ACCSL: variants seen among roughly 807,000 people sequenced by gnomAD.
ACCSL encodes 1-aminocyclopropane-1-carboxylate synthase homolog (inactive) like, also known as probable inactive 1-aminocyclopropane-1-carboxylate synthase-like protein 2.
In ACCSL, 55 loss-of-function variants were observed where a neutral mutation model predicts 61.7. That is an observed-to-expected ratio of 0.89 (90% CI 0.72 to 1.12). ACCSL has a LOEUF of 1.12. Ranked by LOEUF, ACCSL falls within the 50% of genes most tolerant of loss-of-function variation. ACCSL has a pLI of 0.00. For missense variants in ACCSL, 632 were observed against 698.0 expected, an observed-to-expected ratio of 0.91 and a Z score of 1.07; for synonymous variants, 258 against 264.3, an observed-to-expected ratio of 0.98 and a Z score of 0.23.
At chr11:44,018,646 T>C in the ACCSL span, among the ~76,000 whole-genome samples, 3 of 152,338 alleles carry the variant, frequency 2.0e-5, no homozygotes, top group African/African-American at 7.2e-5. Context: ...TAATTACTCA[T>C]TTTTAAAATA....
the ACCSL span, among the ~76,000 whole-genome samples, chr11:43,994,637 A>G: frequency 1.3e-5 from 2 of 151,584 alleles, no homozygotes; most frequent in African/African-American, 2.4e-5. Flanking sequence ...TATTATTATT[A>G]TTATTATTAT....
At chr11:44,027,108 T>C in the ACCSL span, among the ~76,000 whole-genome samples, 1 of 152,216 alleles carries the variant, frequency 6.6e-6, no homozygotes, top group Non-Finnish European at 1.5e-5. Context: ...TTTTAATGAT[T>C]GGACAGAGAT....
the ACCSL span, among the ~76,000 whole-genome samples, chr11:43,933,926 G>A: frequency 3.9e-5 from 6 of 152,162 alleles, no homozygotes; most frequent in African/African-American, 1.4e-4. Flanking sequence ...GCTGCAGCTG[G>A]TATCCCATTG....
chr11:43,982,803 G>C, the ACCSL span, among the ~76,000 whole-genome samples: 1 of 152,202 alleles, frequency 6.6e-6, no homozygotes, highest in Non-Finnish European at 1.5e-5. Context: ...GTCTGAGTAG[G>C]AGAATTGTGT....
chr11:44,054,225 G>A (rs777032861), intron 8 of ACCSL, among the ~76,000 whole-genome samples: 2 of 152,138 alleles, frequency 1.3e-5, no homozygotes, highest in Non-Finnish European at 2.9e-5. Flanking sequence ...CTAAGAGCAC[G>A]TTCTAGAAAT....
At chr11:44,004,796 G>A in the ACCSL span, among the ~76,000 whole-genome samples, 1 of 152,200 alleles carries the variant, frequency 6.6e-6, no homozygotes, top group African/African-American at 2.4e-5. Context: ...CAGAATTCTA[G>A]GCCCCTTCCT....
chr11:44,050,880 C>T (rs1207617474), intron 3 of ACCSL, among the ~76,000 whole-genome samples: 5 of 141,414 alleles, frequency 3.5e-5, no homozygotes, highest in African/African-American at 1.1e-4. Flanking sequence ...CTCACTCTGT[C>T]ACCCAGACTG....
the ACCSL span, among the ~76,000 whole-genome samples, chr11:43,953,776 A>G: frequency 6.6e-6 from 1 of 152,144 alleles, no homozygotes; most frequent in Non-Finnish European, 1.5e-5. Flanking sequence ...TTCCCAGAAA[A>G]TTGATGACTA....
chr11:44,010,073 G>A, the ACCSL span, among the ~76,000 whole-genome samples: 1 of 152,234 alleles, frequency 6.6e-6, no homozygotes, highest in Admixed American at 6.5e-5. Context: ...GTGTGCAATG[G>A]CTCATGCCTG....
the ACCSL span, among the ~76,000 whole-genome samples, chr11:43,938,797 A>G: frequency 6.6e-6 from 1 of 152,200 alleles, no homozygotes; most frequent in Non-Finnish European, 1.5e-5. Context: ...GCAAGACTCC[A>G]TCTCAAAGTA....
the ACCSL span, among the ~76,000 whole-genome samples, chr11:44,024,017 T>C: frequency 1.3e-5 from 2 of 152,184 alleles, no homozygotes; most frequent in Non-Finnish European, 2.9e-5. Flanking sequence ...GGGCAATGGG[T>C]ATACAGATTA....
At chr11:43,948,113 A>T in the ACCSL span, among the ~76,000 whole-genome samples, 1 of 152,100 alleles carries the variant, frequency 6.6e-6, no homozygotes, top group Non-Finnish European at 1.5e-5. Flanking sequence ...CCTGGGGGAG[A>T]TGTTTAGCAG....
the ACCSL span, among the ~76,000 whole-genome samples, chr11:43,986,049 TCACCCTCCC>T: frequency 1.7e-5 from 1 of 59,094 alleles, no homozygotes; most frequent in Non-Finnish European, 4.5e-5. Flanking sequence ...GCATTCCATG[TCACCCTCCC>T]CAGTCTTATT....
the ACCSL span, among the ~76,000 whole-genome samples, chr11:43,988,113 C>T: frequency 2.0e-5 from 3 of 152,240 alleles, no homozygotes; most frequent in Admixed American, 2.0e-4. Flanking sequence ...GAACTTGATC[C>T]TCTCACTGGA....
chr11:44,051,843 G>A, intron 5 of ACCSL, 124 bp downstream of exon 5: 1 of 1,119,498 alleles, frequency 8.9e-7, no homozygotes. Context: ...AAAGTGGTGG[G>A]CCTTCTCCCA....
At chr11:44,025,428 A>G in the ACCSL span, among the ~76,000 whole-genome samples, 1 of 152,160 alleles carries the variant, frequency 6.6e-6, no homozygotes, top group Non-Finnish European at 1.5e-5. Context: ...AGTATACTAT[A>G]CAAAAACTTT....
chr11:43,966,986 A>C, the ACCSL span, among the ~76,000 whole-genome samples: 2 of 151,034 alleles, frequency 1.3e-5, no homozygotes, highest in East Asian at 1.9e-4. Flanking sequence ...CATATTTATC[A>C]TTTTCTCTCT....
intron 1 of ACCSL, 28 bp from the exon 2 acceptor site, chr11:44,050,034 C>T (rs1326814346): frequency 6.2e-7 from 1 of 1,614,128 alleles, no homozygotes; most frequent in South Asian, 1.1e-5. Context: ...AGAGGACTGA[C>T]CTGATCTTGG....
At chr11:43,980,803 C>T in the ACCSL span, among the ~76,000 whole-genome samples, 2 of 152,106 alleles carry the variant, frequency 1.3e-5, no homozygotes, top group African/African-American at 4.8e-5. Context: ...ATTTGCTTTA[C>T]ATGAATTATC....
Sources: gnomAD v4.1 joint callset for allele counts (sites outside exome capture counted in the v4.1 genomes callset) on GRCh38, gnomAD v4.1.1 for gene constraint, MANE v1.5 for transcripts, NCBI Gene and HGNC (gene_info 2026-07-23, HGNC 2026-07-21) for gene names.